Variants in ADAR observed in about 807,000 individuals in gnomAD.
ADAR encodes the protein double-stranded RNA-specific adenosine deaminase.
Under a neutral mutation model 113.2 loss-of-function variants are expected in ADAR, and 41 were observed. The ratio of observed to expected loss-of-function variants is 0.36; its 90% CI spans 0.28 to 0.47. The LOEUF is 0.47. ADAR is among the 20% of genes least tolerant of loss of function. The pLI is 1.00. For missense variants in ADAR, 1,242 were observed against 1,540.9 expected, an observed-to-expected ratio of 0.81 and a Z score of 3.25; for synonymous variants, 605 against 572.6, an observed-to-expected ratio of 1.06 and a Z score of -0.81.
At chr1:154,606,980 T>C (rs973316661) in intron 1 of ADAR, among the ~76,000 whole-genome samples, 8 of 151,590 alleles carry the variant, frequency 5.3e-5, no homozygotes, top group Admixed American at 2.6e-4. Context: ...TTGAGGTATA[T>C]AATTTAGATA....
intron 1 of ADAR, among the ~76,000 whole-genome samples, chr1:154,621,585 A>C (rs1436161378): frequency 6.6e-6 from 1 of 152,268 alleles, no homozygotes; most frequent in Admixed American, 6.5e-5. Context: ...AAAAGTAGAA[A>C]TAAAAATGGC....
chr1:154,588,773 A>T, intron 9 of ADAR, 100 bp from the exon 10 acceptor site: 1 of 1,506,516 alleles, frequency 6.6e-7, no homozygotes, highest in African/African-American at 1.4e-5. Flanking sequence ...GAAAAGTCTC[A>T]ATGTTGCAGA....
intron 6 of ADAR, among the ~76,000 whole-genome samples, chr1:154,595,241 A>AT (rs1462942356): frequency 6.6e-6 from 1 of 152,208 alleles, no homozygotes; most frequent in African/African-American, 2.4e-5. Context: ...TGTGTTTACT[A>AT]TATTTTTATC....
At chr1:154,607,857 G>A (rs1295064802) in intron 1 of ADAR, 135 bp downstream of exon 1, 2 of 1,394,992 alleles carry the variant, frequency 1.4e-6, no homozygotes, top group Non-Finnish European at 2.0e-6. Flanking sequence ...AACCAGCAAT[G>A]CTGCTTGGCA....
At chr1:154,600,882 G>C (rs1697823946) in intron 2 of ADAR, 159 bp downstream of exon 2, 2 of 1,030,492 alleles carry the variant, frequency 1.9e-6, no homozygotes, top group African/African-American at 1.6e-5. Flanking sequence ...TCAATATCTG[G>C]AGAAAGGGCC....
chr1:154,590,134 T>TCGGCGGGGGGG, intron 7 of ADAR, 50 bp downstream of exon 7: 1 of 1,447,040 alleles, frequency 6.9e-7, no homozygotes, highest in Non-Finnish European at 9.6e-7. Context: ...ACTTAGGAGT[T>TCGGCGGGGGGG]AGGAGGACCC....
rs1696448002 is a variant in ADAR at position 154,582,181 on chromosome 1, C to A, written c.*2625G>T. ...TGGACTGCAGCCATCATCACAGTAC[C>A]CGAGTCTATGCTTGGGGGTCTTCCT... On this transcript the variant is annotated 3_prime_UTR_variant, in exon 15 of 15. Transcript: ENST00000368474. 6.6e-6 allele frequency: 1 copy of A among 152,432 alleles called. No homozygotes were observed. Among genetic ancestry groups the A allele is most frequent in the Non-Finnish European group, 1.5e-5 (1 of 68,032 alleles). The allele number at this position is 152,432 out of a possible 1,614,324, so 9.4% of individuals were successfully genotyped here.
intron 13 of ADAR, 154 bp downstream of exon 13, chr1:154,585,599 C>T: frequency 2.3e-6 from 2 of 869,806 alleles, no homozygotes; most frequent in East Asian, 2.6e-5. Context: ...GGAGACCAAC[C>T]AATGTTGGTG....
intron 2 of ADAR, among the ~76,000 whole-genome samples, chr1:154,598,979 C>T (rs1398234300): frequency 6.6e-6 from 1 of 152,222 alleles, no homozygotes; most frequent in Non-Finnish European, 1.5e-5. Context: ...AGACTGGCCT[C>T]CTCAAGGGAG....
Position 154,601,019 on chromosome 1 carries a change from C to T in ADAR, c.1601+22G>A. 2 of 1,613,886 alleles carry T rather than the reference C, an allele frequency of 1.2e-6. No homozygotes were observed. Among genetic ancestry groups the T allele is most frequent in the Non-Finnish European group, 1.7e-6 (2 of 1,180,038 alleles). On this transcript the variant is annotated intron_variant, in intron 2 of 14. Coordinates refer to ENST00000368474, the MANE Select transcript of ADAR (RefSeq NM_001111.5). The surrounding 1 kb of genome is among the most constrained non-coding windows in gnomAD (Gnocchi z 4.7). ...AAGCACCTGACCCCAACCCTAGGTA[C>T]AGTTCCTGGGTGGTCTCTTACCGAG...
intron 6 of ADAR, among the ~76,000 whole-genome samples, chr1:154,590,932 C>T (rs561430370): frequency 2.0e-5 from 3 of 151,836 alleles, no homozygotes; most frequent in East Asian, 3.9e-4. Context: ...CCAGCCTGCG[C>T]GAGACAGCAA....
Position 154,601,427 on chromosome 1 carries a change from G to A in ADAR, c.1215C>T (p.Thr405=). The A allele has an allele frequency of 1.2e-6, 2 of 1,614,136 alleles. No individual in the cohort carries two copies. Among genetic ancestry groups the A allele is most frequent in the South Asian group, 1.1e-5 (1 of 91,076 alleles). The change falls in exon 2 of 15, where the codon ACC becomes ACT. Residue 405 remains threonine (T), a synonymous_variant. Coordinates refer to ENST00000368474, the MANE Select transcript of ADAR (RefSeq NM_001111.5). This position sits in a 1 kb window ranked among gnomAD's most constrained non-coding sequence, Gnocchi z 4.7. ...PTSNASNNMV[T]TEKVENGQEP... ...CCTGCCCATTCTCCACTTTTTCTGT[G>A]GTTACCATGTTATTTGAGGCATTTG...
chr1:154,624,486 T>G (rs943288816), intron 1 of ADAR, among the ~76,000 whole-genome samples: 3 of 152,172 alleles, frequency 2.0e-5, no homozygotes, highest in Non-Finnish European at 4.4e-5. Flanking sequence ...ATAAATTTTG[T>G]ATGTTCCTAA....
intron 1 of ADAR, among the ~76,000 whole-genome samples, chr1:154,622,233 A>G (rs561919764): frequency 1.3e-5 from 2 of 152,248 alleles, no homozygotes; most frequent in East Asian, 3.9e-4. Flanking sequence ...AGGCGATGAG[A>G]TGCAGTATGT....
chr1:154,613,316 A>C (rs1383237703), intron 1 of ADAR, among the ~76,000 whole-genome samples: 2 of 108,292 alleles, frequency 1.8e-5, no homozygotes, highest in Admixed American at 1.2e-4. Flanking sequence ...CCAGAATCTC[A>C]CTCTGTTATC....
chr1:154,608,419 C>G (rs11802588), upstream of ADAR, among the ~76,000 whole-genome samples: 60,440 of 148,424 alleles, frequency 0.41, 13,336 homozygotes, highest in East Asian at 0.53. Context: ...ACCTCTGCCC[C>G]CCGGGTTCAA....
At chr1:154,593,737 T>C (rs1468479355) in intron 6 of ADAR, among the ~76,000 whole-genome samples, 3 of 152,210 alleles carry the variant, frequency 2.0e-5, no homozygotes, top group African/African-American at 7.2e-5. Flanking sequence ...AAAGGGCTAC[T>C]TTTAAAAATT....
At chr1:154,596,689 G>T in intron 6 of ADAR, 116 bp downstream of exon 6, 1 of 1,210,286 alleles carries the variant, frequency 8.3e-7, no homozygotes, top group Non-Finnish European at 1.2e-6. Flanking sequence ...GGCTGGACTT[G>T]TTTCCCTCAA....
chr1:154,596,009 G>A (rs938317779), intron 6 of ADAR, among the ~76,000 whole-genome samples: 1 of 152,260 alleles, frequency 6.6e-6, no homozygotes, highest in East Asian at 1.9e-4. Flanking sequence ...TGCTGTACAG[G>A]TTTGTAGCCT....
Sources: allele counts gnomAD v4.1 joint callset (sites outside exome capture counted in the v4.1 genomes callset), GRCh38; gene constraint gnomAD v4.1.1; non-coding constraint Gnocchi (gnomAD v3.1); transcripts MANE v1.5; gene names NCBI Gene and HGNC (gene_info 2026-07-23, HGNC 2026-07-21).